CFAP45: variants seen among roughly 807,000 people sequenced by gnomAD.
CFAP45 encodes the protein cilia and flagella associated protein 45.
In CFAP45, 43 loss-of-function variants were observed where a neutral mutation model predicts 75.6. The ratio of observed to expected loss-of-function variants is 0.57; its 90% CI spans 0.45 to 0.73. CFAP45 has a LOEUF of 0.73. CFAP45 is among the 30% of genes least tolerant of loss of function. The probability of loss-of-function intolerance (pLI) is 0.00; values close to 1 mark genes in which losing one functional copy is unlikely to be tolerated. For missense variants in CFAP45, 689 were observed against 701.5 expected (o/e 0.98, Z 0.20); for synonymous variants, 223 against 244.6 (o/e 0.91, Z 0.82).
rs1649373875 is a variant in CFAP45, at chr1:159,875,328, TG to T, written c.1352+1227del. On this transcript the variant is annotated intron_variant, in intron 10 of 11. Coordinates refer to ENST00000368099, the MANE Select transcript of CFAP45 (RefSeq NM_012337.3). ...AGTCTGTAGCCCAAGGGCAGAATCT[TG>T]GGGGGCATTTAGGAAGCTACTTTCT... Among the ~76,000 whole-genome samples, 4 of 152,218 alleles carry T rather than the reference TG, an allele frequency of 2.6e-5. No homozygotes were observed. The South Asian group carries it at 8.3e-4, about 32-fold the overall frequency.
At position 159,879,012 on chromosome 1, in the gene CFAP45, C is replaced by T. The variant is rs146372228; in HGVS notation, c.1044+1542G>A. ...GAGGTCGGTAAGGGCTTGTGATATA[C>T]GTAGATACTTACGGTGGACTGTGGA... On this transcript the variant is annotated intron_variant, in intron 8 of 11. Transcript: ENST00000368099. Among the ~76,000 whole-genome samples, 529 of 152,200 alleles carry T rather than the reference C, an allele frequency of 3.5e-3. 1 individual carries two copies. The highest frequency in any genetic ancestry group is 6.0e-3 in the Non-Finnish European group (411 of 68,000).
chr1:159,888,438 G>C lies in CFAP45; in HGVS notation c.331C>G (p.Arg111Gly). The change falls in exon 4 of 12, where the codon CGA (arginine) becomes GGA (glycine). Residue 111 changes from arginine to glycine, a missense_variant. Arg to Gly is a moderately radical substitution (Grantham distance 125). Transcript: ENST00000368099. ...AGGACATGGGATGCCCATTTGATTC[G>C]CTCAAACTCCTCAGGGCTGATGATT... The part of the protein sequence containing the change: ...SLIISPEEFE[R>G]IKWASHVLTR... 6.2e-7 allele frequency: 1 copy of C among 1,605,306 alleles called. No individual in the cohort carries two copies. The highest frequency in any genetic ancestry group is 8.5e-7 in the Non-Finnish European group (1 of 1,173,354).
chr1:159,882,633 CAAT>C (rs1649574731), intron 7 of CFAP45, among the ~76,000 whole-genome samples: 1 of 152,042 alleles, frequency 6.6e-6, no homozygotes, highest in Non-Finnish European at 1.5e-5. Context: ...TAAAGTTGCC[CAAT>C]AATACTTCCT....
At chr1:159,888,211 C>A (rs1278620485) in intron 4 of CFAP45, 141 bp downstream of exon 4, 8 of 1,047,716 alleles carry the variant, frequency 7.6e-6, no homozygotes, top group Admixed American at 2.4e-5. Flanking sequence ...TCAGGTATTG[C>A]TCTTTGGTCT....
At position 159,890,467 on chromosome 1, in the gene CFAP45, A is replaced by T; in HGVS notation, c.272+13T>A. The T allele has an allele frequency of 1.2e-6, 2 of 1,613,872 alleles. No homozygotes were observed. The highest frequency in any genetic ancestry group is 2.2e-5 in the East Asian group (1 of 44,862). ...AGGACTGGACATAGAAGGGCAGGGGACGGTGTACTCACATGAGTTCTCGGA... is the reference window on the plus strand; with the variant it reads ...AGGACTGGACATAGAAGGGCAGGGGTCGGTGTACTCACATGAGTTCTCGGA... On this transcript the variant is annotated intron_variant, in intron 3 of 11. Coordinates refer to ENST00000368099, the MANE Select transcript of CFAP45 (RefSeq NM_012337.3).
In CFAP45 at chr1:159,894,798, A is replaced by T. The variant is rs141093944; in HGVS notation, c.4-1493T>A. Among the ~76,000 whole-genome samples the T allele has an allele frequency of 1.2e-4, 18 of 152,328 alleles. 1 individual carries two copies. Among genetic ancestry groups the T allele is most frequent in the African/African-American group, 3.6e-4 (15 of 41,568 alleles). On this transcript the variant is annotated intron_variant, in intron 1 of 11. Coordinates refer to ENST00000368099, the MANE Select transcript of CFAP45 (RefSeq NM_012337.3). ...ATGAGATGGCCCTGGACTGACAATG[A>T]CTAGGGAACTAGTGGACCAAAAGGC...
At chr1:159,873,546 C>T (rs929203778) in intron 10 of CFAP45, 2 of 218,326 alleles carry the variant, frequency 9.2e-6, no homozygotes, top group Non-Finnish European at 1.9e-5. Context: ...TCATAGCTCA[C>T]CGCAGCCTCA....
intron 2 of CFAP45, among the ~76,000 whole-genome samples, chr1:159,891,507 GACTA>G (rs1404458522): frequency 1.8e-4 from 27 of 152,196 alleles, no homozygotes; most frequent in African/African-American, 5.1e-4. Flanking sequence ...CAAGAACACA[GACTA>G]ACTGTGTGAT....
At chr1:159,877,875 A>AAAATAAATAAATAAAT (rs56408622) in intron 8 of CFAP45, among the ~76,000 whole-genome samples, 3,176 of 149,046 alleles carry the variant, frequency 0.021, 68 homozygotes, top group African/African-American at 0.05. Flanking sequence ...ACCTTGTCTC[A>AAAATAAATAAATAAAT]AAATAAATAA....
chr1:159,888,109 C>T, intron 4 of CFAP45, 98 bp from the exon 5 acceptor site: 3 of 1,395,668 alleles, frequency 2.1e-6, no homozygotes, highest in Non-Finnish European at 2.9e-6. Context: ...ACAATTTTGC[C>T]TTGGCCAGTG....
At chr1:159,880,894 AG>A (rs1649533428) in intron 7 of CFAP45, among the ~76,000 whole-genome samples, 194 bp from the exon 8 acceptor site, 1 of 152,204 alleles carries the variant, frequency 6.6e-6, no homozygotes, top group Non-Finnish European at 1.5e-5. Flanking sequence ...GCCTATTTAC[AG>A]TCTTCATCCA....
chr1:159,881,606 AG>A (rs1173587804), intron 7 of CFAP45, among the ~76,000 whole-genome samples: 17 of 152,378 alleles, frequency 1.1e-4, no homozygotes, highest in Admixed American at 1.1e-3. Flanking sequence ...GAGGCAGGAA[AG>A]GTAGGACCAA....
At chr1:159,879,839 G>C (rs1342241616) in intron 8 of CFAP45, among the ~76,000 whole-genome samples, 1 of 152,028 alleles carries the variant, frequency 6.6e-6, no homozygotes, top group Non-Finnish European at 1.5e-5. Context: ...TAGCAGGGCA[G>C]ACAAGATCAA....
chr1:159,900,120 C>G lies in CFAP45; in HGVS notation c.-22G>C, dbSNP rs772539960. 1.2e-5 allele frequency: 20 copies of G among 1,614,182 alleles called. No individual in the cohort carries two copies. In the South Asian group the frequency reaches 1.4e-4, roughly 12 times the overall value. ...CCATCTCCTCAGCCACACGCCCTGA[C>G]TCCGGACTTCTGCTGCCGCCTCGGC... On this transcript the variant is annotated 5_prime_UTR_variant, in exon 1 of 12. Transcript: ENST00000368099.
intron 10 of CFAP45, among the ~76,000 whole-genome samples, chr1:159,874,104 G>C (rs993451286): frequency 1.3e-5 from 2 of 152,116 alleles, no homozygotes; most frequent in Admixed American, 1.3e-4. Context: ...AACAGGAAAG[G>C]CTCAGAAAAC....
At chr1:159,878,012 A>G (rs1649444261) in intron 8 of CFAP45, among the ~76,000 whole-genome samples, 1 of 152,248 alleles carries the variant, frequency 6.6e-6, no homozygotes, top group Admixed American at 6.5e-5. Flanking sequence ...AGCCCTCACA[A>G]CATTTCCTGA....
chr1:159,889,155 A>G (rs965681062), intron 3 of CFAP45, among the ~76,000 whole-genome samples: 1 of 152,204 alleles, frequency 6.6e-6, no homozygotes, highest in African/African-American at 2.4e-5. Context: ...TCTGTGATCA[A>G]CAATAGCCAG....
At chr1:159,885,582 C>T (rs1300489079) in intron 6 of CFAP45, among the ~76,000 whole-genome samples, 2 of 152,160 alleles carry the variant, frequency 1.3e-5, no homozygotes, top group Non-Finnish European at 2.9e-5. Flanking sequence ...CTTTTCTGCA[C>T]AAAATGAAGG....
chr1:159,890,740 C>A, intron 2 of CFAP45, 118 bp from the exon 3 acceptor site: 1 of 743,576 alleles, frequency 1.3e-6, no homozygotes, highest in Non-Finnish European at 2.1e-6. Context: ...GGATGTGTAC[C>A]GACCAGCTTT....
Sources: gnomAD v4.1 joint callset for allele counts (sites outside exome capture counted in the v4.1 genomes callset) on GRCh38, gnomAD v4.1.1 for gene constraint, MANE v1.5 for transcripts, NCBI Gene and HGNC (gene_info 2026-07-23, HGNC 2026-07-21) for gene names.